ALK: variants seen among roughly 807,000 people sequenced by gnomAD.
ALK encodes the protein ALK receptor tyrosine kinase.
In ALK, 74 loss-of-function variants were observed where a neutral mutation model predicts 163.1. That is an observed-to-expected ratio of 0.45 (90% CI 0.38 to 0.55). ALK has a LOEUF of 0.55. Among genes scored for constraint, ALK ranks in the 20% least tolerant of loss-of-function variants. ALK has a pLI of 0.00. For synonymous variants in ALK, 960 were observed against 843.2 expected (o/e 1.14, Z -2.40); for missense variants, 2,063 against 2,105.3 (o/e 0.98, Z 0.39).
intron 3 of ALK, among the ~76,000 whole-genome samples, chr2:29,694,299 G>T (rs185368990): frequency 3.9e-5 from 6 of 152,186 alleles, no homozygotes; most frequent in African/African-American, 7.2e-5. Context: ...CAAATGTGTC[G>T]CCTGAGTATT....
intron 1 of ALK, among the ~76,000 whole-genome samples, chr2:29,732,845 T>A (rs1407407868): frequency 6.6e-6 from 1 of 151,570 alleles, no homozygotes; most frequent in African/African-American, 2.4e-5. Flanking sequence ...CACTTCCCAA[T>A]CTCTAGGACT....
At chr2:29,495,976 CACA>C (rs1672012165) in intron 4 of ALK, among the ~76,000 whole-genome samples, 1 of 152,180 alleles carries the variant, frequency 6.6e-6, no homozygotes, top group African/African-American at 2.4e-5. Flanking sequence ...AGGAAAAGAG[CACA>C]ACCTCACATT....
chr2:29,311,930 A>G (rs1377721385), intron 8 of ALK, among the ~76,000 whole-genome samples: 1 of 152,006 alleles, frequency 6.6e-6, no homozygotes, highest in Non-Finnish European at 1.5e-5. Flanking sequence ...TGGAGGAGGG[A>G]GCTCCCATGC....
intron 3 of ALK, among the ~76,000 whole-genome samples, chr2:29,629,874 A>G (rs1676307479): frequency 6.6e-6 from 1 of 152,190 alleles, no homozygotes; most frequent in Non-Finnish European, 1.5e-5. Context: ...CTTCACATTC[A>G]CAGTTTTAAC....
At chr2:29,845,548 C>T in intron 1 of ALK, among the ~76,000 whole-genome samples, 1 of 152,150 alleles carries the variant, frequency 6.6e-6, no homozygotes, top group East Asian at 1.9e-4. Context: ...GATTCTCCTG[C>T]CTCAGCCTCC....
intron 1 of ALK, among the ~76,000 whole-genome samples, chr2:29,839,045 T>C: frequency 6.6e-6 from 1 of 152,202 alleles, no homozygotes; most frequent in South Asian, 2.1e-4. Flanking sequence ...GACTTCCCTA[T>C]ATGCTTTCTG....
chr2:29,531,845 T>A, intron 4 of ALK, 70 bp downstream of exon 4: 1 of 1,507,754 alleles, frequency 6.6e-7, no homozygotes, highest in Non-Finnish European at 9.2e-7. Context: ...TGTCACAGAC[T>A]CTGGAAATGT....
At chr2:29,466,166 C>G (rs1232488406) in intron 4 of ALK, among the ~76,000 whole-genome samples, 1 of 152,172 alleles carries the variant, frequency 6.6e-6, no homozygotes, top group Admixed American at 6.5e-5. Flanking sequence ...CTTCATGGTT[C>G]CAGGGCTTCT....
chr2:29,725,725 C>T (rs552061369), intron 1 of ALK, among the ~76,000 whole-genome samples: 14 of 152,092 alleles, frequency 9.2e-5, no homozygotes, highest in African/African-American at 2.9e-4. Context: ...GTAGGACATG[C>T]TTTGCAGGGG....
intron 3 of ALK, 22 bp from the exon 4 acceptor site, chr2:29,532,138 G>T (rs370997338): frequency 3.7e-6 from 6 of 1,609,724 alleles, no homozygotes; most frequent in Non-Finnish European, 5.1e-6. Flanking sequence ...CAGGGAAAAC[G>T]AATCTGCAGA....
chr2:29,211,774 G>GAAAAGAATTGATTGA (rs55700008), intron 24 of ALK, among the ~76,000 whole-genome samples: 1 of 151,832 alleles, frequency 6.6e-6, no homozygotes. Context: ...TGCCCCAGAA[G>GAAAAGAATTGATTGA]GACAGTTTCT....
intron 5 of ALK, among the ~76,000 whole-genome samples, chr2:29,351,799 C>A (rs1266186089): frequency 1.4e-5 from 2 of 140,290 alleles, no homozygotes; most frequent in African/African-American, 5.2e-5. Context: ...GACTCCTAAG[C>A]AGAGTACCCT....
chr2:29,852,910 T>C (rs1666040605), intron 1 of ALK, among the ~76,000 whole-genome samples: 1 of 151,788 alleles, frequency 6.6e-6, no homozygotes, highest in Non-Finnish European at 1.5e-5. Context: ...AAGACAGCCA[T>C]CTGCTAAGTA....
intron 4 of ALK, among the ~76,000 whole-genome samples, chr2:29,433,059 C>T (rs1320847968): frequency 6.6e-6 from 1 of 152,078 alleles, no homozygotes; most frequent in African/African-American, 2.4e-5. Flanking sequence ...TTTATAGGAC[C>T]CTTAGAGATA....
At chr2:29,632,732 C>T (rs1676413458) in intron 3 of ALK, among the ~76,000 whole-genome samples, 1 of 152,150 alleles carries the variant, frequency 6.6e-6, no homozygotes, top group South Asian at 2.1e-4. Flanking sequence ...TAATGGAGAA[C>T]TCACTGTTCC....
intron 3 of ALK, among the ~76,000 whole-genome samples, chr2:29,629,922 T>C (rs531231492): frequency 5.9e-5 from 9 of 152,336 alleles, no homozygotes; most frequent in African/African-American, 1.7e-4. Context: ...CCTAGATCTA[T>C]AAAATGATGA....
intron 8 of ALK, among the ~76,000 whole-genome samples, chr2:29,302,731 C>T (rs571632269): frequency 6.6e-6 from 1 of 152,148 alleles, no homozygotes; most frequent in African/African-American, 2.4e-5. Context: ...ATTTTTTGGC[C>T]ATTTTTTTTC....
intron 4 of ALK, among the ~76,000 whole-genome samples, chr2:29,528,744 C>T (rs142161724): frequency 6.6e-6 from 1 of 152,266 alleles, no homozygotes; most frequent in African/African-American, 2.4e-5. Flanking sequence ...TCACAGCTCA[C>T]CATTTTACAT....
At chr2:29,547,160 C>T (rs1673577573) in intron 3 of ALK, among the ~76,000 whole-genome samples, 1 of 152,232 alleles carries the variant, frequency 6.6e-6, no homozygotes, top group Admixed American at 6.5e-5. Context: ...TCTAACAGAT[C>T]TTTTCACTTC....
Sources: gnomAD v4.1 joint callset for allele counts (sites outside exome capture counted in the v4.1 genomes callset) on GRCh38, gnomAD v4.1.1 for gene constraint, MANE v1.5 for transcripts, NCBI Gene and HGNC (gene_info 2026-07-23, HGNC 2026-07-21) for gene names.